The following ASMT variants were observed in gnomAD, a reference collection of about 807,000 sequenced individuals.
ASMT encodes acetylserotonin O-methyltransferase.
ASMT carries 53 observed loss-of-function variants against 41.3 expected under a neutral mutation model. That is an observed-to-expected ratio of 1.28 (90% CI 1.03 to 1.61). The LOEUF (loss-of-function observed/expected upper bound fraction) is 1.61, where lower values mean the gene tolerates loss of function less well. Ranked by LOEUF, ASMT falls within the 40% of genes most tolerant of loss-of-function variation. The pLI is 0.00. For missense variants in ASMT, 531 were observed against 441.3 expected (o/e 1.20, Z -1.82); for synonymous variants, 231 against 184.8 (o/e 1.25, Z -2.03).
At chrX:1,633,456 A>G (rs1251154840) in intron 7 of ASMT, 166 bp downstream of exon 7, 2 of 221,222 alleles carry the variant, frequency 9.0e-6, no homozygotes, top group Admixed American at 1.3e-4. Flanking sequence ...AGCTGGGTGT[A>G]GATATACAGT....
At chrX:1,641,335 A>G (rs28409477) in intron 8 of ASMT, among the ~76,000 whole-genome samples, 2,361 of 83,720 alleles carry the variant, frequency 0.028, 373 homozygotes, top group Middle Eastern at 0.1. Flanking sequence ...ATGATCCATT[A>G]GGATGTGGAC....
chrX:1,617,331 A>G (rs1243948473), intron 1 of ASMT, among the ~76,000 whole-genome samples: 1 of 150,712 alleles, frequency 6.6e-6, no homozygotes, highest in Non-Finnish European at 1.5e-5. Context: ...TTAGCCAGGC[A>G]TGATGGTGGG....
At chrX:1,631,192 G>T (rs1177949754) in intron 5 of ASMT, among the ~76,000 whole-genome samples, 3 of 151,564 alleles carry the variant, frequency 2.0e-5, no homozygotes, top group African/African-American at 7.3e-5. Flanking sequence ...AGGATTGCAG[G>T]CATGAGCCAC....
At chrX:1,627,793 C>A in intron 4 of ASMT, 22 bp downstream of exon 4, 1 of 1,608,512 alleles carries the variant, frequency 6.2e-7, no homozygotes, top group Non-Finnish European at 8.5e-7. Context: ...CACTTTGAAA[C>A]CAACAACTCA....
intron 1 of ASMT, among the ~76,000 whole-genome samples, chrX:1,621,016 A>C (rs1221013245): frequency 1.3e-5 from 2 of 152,010 alleles, no homozygotes; most frequent in Non-Finnish European, 2.9e-5. Context: ...GAATCACTTG[A>C]ACGCGGGAGG....
chrX:1,622,457 A>AT (rs1478500961), intron 1 of ASMT, among the ~76,000 whole-genome samples: 1 of 150,566 alleles, frequency 6.6e-6, no homozygotes, highest in Non-Finnish European at 1.5e-5. Context: ...CGCCCGGCTA[A>AT]TTTTTGTATT....
rs1935238204 is a variant in ASMT, at chrX:1,642,751, C to T, written c.911-52C>T. On this transcript the variant is annotated intron_variant, in intron 8 of 8. Coordinates refer to ENST00000381241, the MANE Select transcript of ASMT (RefSeq NM_001171038.2). ...CTTATGGTTCACTGGGACTTTGGCACAGTCTGTCTGTGTGTTTGTGTGTGA... is the reference window on the plus strand; with the variant it reads ...CTTATGGTTCACTGGGACTTTGGCATAGTCTGTCTGTGTGTTTGTGTGTGA... 3.8e-6 allele frequency: 6 copies of T among 1,559,384 alleles called. No homozygotes were observed. The African/African-American group carries it at 4.1e-5, about 11-fold the overall frequency.
In ASMT at chrX:1,632,784, A is replaced by C. The variant is rs1934825004; in HGVS notation, c.643A>C (p.Ile215Leu). The C allele has an allele frequency of 5.1e-6, 2 of 394,862 alleles. No individual in the cohort carries two copies. Among genetic ancestry groups the C allele is most frequent in the Admixed American group, 3.7e-5 (1 of 27,086 alleles). 24.5% of individuals were successfully genotyped at this position (394,862 alleles called of 1,614,324 possible). A position where few individuals can be genotyped will look rare whatever the true frequency, so the allele number is the denominator to read the frequency against. ...QKTKHRVFSL[I>L]GGAGALAKEC... ...AACCAAACACCGCGTGTTCTCACTC[A>C]TAGGTGGGAACTGAACAATGAGACC... Residue 215 changes from isoleucine (I) to leucine (L), a missense_variant, in exon 6 of 9, where the codon ATA (isoleucine) becomes CTA (leucine). Transcript: ENST00000381241.
At chrX:1,622,550 G>C (rs1234261244) in intron 1 of ASMT, among the ~76,000 whole-genome samples, 6 of 151,800 alleles carry the variant, frequency 4.0e-5, no homozygotes, top group Non-Finnish European at 7.4e-5. Flanking sequence ...CTCCCAAAGC[G>C]CAGGGATTAT....
intron 3 of ASMT, among the ~76,000 whole-genome samples, chrX:1,626,454 A>T (rs1317658549): frequency 6.6e-6 from 1 of 151,480 alleles, no homozygotes; most frequent in Non-Finnish European, 1.5e-5. Context: ...CTGGTCTCCA[A>T]CTCCTGAGCT....
At chrX:1,619,236 A>C (rs1603461132) in intron 1 of ASMT, among the ~76,000 whole-genome samples, 3 of 152,064 alleles carry the variant, frequency 2.0e-5, no homozygotes, top group Admixed American at 2.0e-4. Context: ...TCTACTAAAA[A>C]TACAAAAATT....
chrX:1,636,587 G>A lies in ASMT; in HGVS notation c.910+27G>A, dbSNP rs757857736. On this transcript the variant is annotated intron_variant, in intron 8 of 8. Transcript: ENST00000381241. ...TAAGTTGTGGGGTTTGCATTTCAGCGTGTGCTTGTGACACGGGGCAGAATT... is the reference window on the plus strand; with the variant it reads ...TAAGTTGTGGGGTTTGCATTTCAGCATGTGCTTGTGACACGGGGCAGAATT... 40 of 1,613,708 alleles carry A rather than the reference G, an allele frequency of 2.5e-5. No individual in the cohort carries two copies. The Admixed American group carries it at 3.5e-4, about 14-fold the overall frequency.
At chrX:1,626,923 G>T (rs764639971) in intron 3 of ASMT, among the ~76,000 whole-genome samples, 2 of 151,990 alleles carry the variant, frequency 1.3e-5, no homozygotes, top group Non-Finnish European at 1.5e-5. Context: ...CAGCTACTCG[G>T]GAGGTTGAGG....
intron 5 of ASMT, among the ~76,000 whole-genome samples, chrX:1,630,855 G>A (rs868703334): frequency 3.3e-5 from 5 of 151,158 alleles, no homozygotes; most frequent in Admixed American, 2.6e-4. Context: ...ACCACACCCA[G>A]GCTGAGCTGA....
At chrX:1,619,585 AAT>A (rs1934265234) in intron 1 of ASMT, among the ~76,000 whole-genome samples, 6 of 146,354 alleles carry the variant, frequency 4.1e-5, no homozygotes, top group East Asian at 2.0e-4. Context: ...TAATAATAAT[AAT>A]AAAAAGTCTT....
chrX:1,618,465 AT>A (rs1934218819), intron 1 of ASMT, among the ~76,000 whole-genome samples: 1 of 150,604 alleles, frequency 6.6e-6, no homozygotes. Context: ...CCTCTGGCTA[AT>A]TTTTTGTAGT....
chrX:1,641,738 G>C (rs868484936), intron 8 of ASMT, among the ~76,000 whole-genome samples: 1 of 136,518 alleles, frequency 7.3e-6, no homozygotes, highest in Non-Finnish European at 1.6e-5. Flanking sequence ...ACCCATCCTG[G>C]TGGTCCATGA....
Position 1,623,585 on chromosome X carries a change from C to T in ASMT, c.244+272C>T, listed in dbSNP as rs1335575176. Among the ~76,000 whole-genome samples the T allele has an allele frequency of 2.6e-5, 4 of 152,042 alleles. No individual in the cohort carries two copies. In the East Asian group the frequency reaches 5.8e-4, roughly 22 times the overall value. Reference sequence around the variant, plus strand: ...CTGCACTCCAGTCTGGGCGACAGAGCGAGACTCCATCTGTATTTGCAGGTT... The same window carrying T: ...CTGCACTCCAGTCTGGGCGACAGAGTGAGACTCCATCTGTATTTGCAGGTT... On this transcript the variant is annotated intron_variant, in intron 2 of 8. Coordinates refer to ENST00000381241, the MANE Select transcript of ASMT (RefSeq NM_001171038.2).
At chrX:1,642,703 C>A in intron 8 of ASMT, 100 bp from the exon 9 acceptor site, 1 of 1,091,608 alleles carries the variant, frequency 9.2e-7, no homozygotes, top group Non-Finnish European at 1.4e-6. Flanking sequence ...GGTGCCCTGA[C>A]TGTCCTCTGA....
Sources: gnomAD v4.1 joint callset for allele counts (sites outside exome capture counted in the v4.1 genomes callset) on GRCh38, gnomAD v4.1.1 for gene constraint, MANE v1.5 for transcripts, NCBI Gene and HGNC (gene_info 2026-07-23, HGNC 2026-07-21) for gene names.